Variants in VTI1A observed in about 807,000 individuals in gnomAD.
VTI1A encodes vesicle transport through interaction with t-SNAREs 1A, also known as vesicle transport through interaction with t-SNAREs homolog 1A.
In VTI1A, 22 loss-of-function variants were observed where a neutral mutation model predicts 34.9. The ratio of observed to expected loss-of-function variants is 0.63; its 90% CI spans 0.45 to 0.90. The LOEUF (loss-of-function observed/expected upper bound fraction) is 0.90. VTI1A is among the 40% of genes least tolerant of loss of function. The pLI is 0.00. For missense variants in VTI1A, 268 were observed against 275.6 expected (o/e 0.97, Z 0.20); for synonymous variants, 87 against 97.3 (o/e 0.89, Z 0.62).
In VTI1A at chr10:112,593,921, T is replaced by C. The variant is rs1482230829; in HGVS notation, c.427+55591T>C. The stretch of plus-strand genomic sequence containing the variant: ...CCGGCTAATTTTTTTTTTATTATTA[T>C]TATTTTGAGACGGAGTCTCGCTCTG... On this transcript the variant is annotated intron_variant, in intron 5 of 7. Transcript: ENST00000393077. Among the ~76,000 whole-genome samples, 11 of 149,542 alleles carry C rather than the reference T, an allele frequency of 7.4e-5. No individual in the cohort carries two copies. The South Asian group carries it at 2.1e-3, about 29-fold the overall frequency.
intron 3 of VTI1A, among the ~76,000 whole-genome samples, chr10:112,478,171 T>A (rs1848341424): frequency 6.6e-6 from 1 of 152,188 alleles, no homozygotes; most frequent in South Asian, 2.1e-4. Flanking sequence ...CCTATACTTT[T>A]CTAATATTGT....
chr10:112,451,545 G>A (rs765717469), intron 1 of VTI1A, among the ~76,000 whole-genome samples: 1 of 152,222 alleles, frequency 6.6e-6, no homozygotes, highest in Non-Finnish European at 1.5e-5. Flanking sequence ...TTTTGGATAT[G>A]AATTTGGAAC....
chr10:112,829,227 G>A, the VTI1A span, among the ~76,000 whole-genome samples: 3 of 149,364 alleles, frequency 2.0e-5, no homozygotes, highest in Middle Eastern at 3.6e-3. Context: ...GGCAGACCAC[G>A]AGGTCAGGAG....
intron 5 of VTI1A, among the ~76,000 whole-genome samples, chr10:112,580,963 G>T (rs967348087): frequency 6.6e-6 from 1 of 152,132 alleles, no homozygotes; most frequent in Admixed American, 6.6e-5. Context: ...AATAGATTTG[G>T]ATCTGAACCC....
chr10:112,762,191 A>G (rs1851491697), intron 7 of VTI1A, among the ~76,000 whole-genome samples: 1 of 152,212 alleles, frequency 6.6e-6, no homozygotes, highest in Non-Finnish European at 1.5e-5. Context: ...ACATGGCTTC[A>G]AGGGCTACAG....
At chr10:112,807,285 C>T (rs184596868) in intron 7 of VTI1A, among the ~76,000 whole-genome samples, 66 of 152,274 alleles carry the variant, frequency 4.3e-4, no homozygotes, top group Middle Eastern at 3.4e-3. Context: ...CTAGGGCTGC[C>T]GTAACAACAT....
In VTI1A at chr10:112,815,327, A is replaced by C; in HGVS notation, c.598A>C (p.Ile200Leu). 1 of 1,613,794 alleles carries C rather than the reference A, an allele frequency of 6.2e-7. No homozygotes were observed. Among genetic ancestry groups the C allele is most frequent in the Non-Finnish European group, 8.5e-7 (1 of 1,179,966 alleles). Residue 200 changes from isoleucine to leucine, a missense_variant, in exon 8 of 8, where the codon ATC becomes CTC. Coordinates refer to ENST00000393077, the MANE Select transcript of VTI1A (RefSeq NM_145206.4). Reference protein sequence around the residue: ...QNRILLVILGIIVVITILMAI... With the variant: ...QNRILLVILGLIVVITILMAI... ...CCGCATCCTGCTCGTCATCCTAGGG[A>C]TCATCGTGGTCATCACCATCCTGAT...
At chr10:112,483,154 ATCCAGATGCTT>A (rs1320502777) in intron 3 of VTI1A, among the ~76,000 whole-genome samples, 1 of 152,208 alleles carries the variant, frequency 6.6e-6, no homozygotes, top group Non-Finnish European at 1.5e-5. Flanking sequence ...CTCCTGCTAT[ATCCAGATGCTT>A]TTAATGTCTT....
chr10:112,665,393 T>G (rs552144388), intron 5 of VTI1A, among the ~76,000 whole-genome samples: 29 of 152,136 alleles, frequency 1.9e-4, no homozygotes, highest in Non-Finnish European at 3.2e-4. Flanking sequence ...GGCCTGAAAT[T>G]TTCTATATTA....
chr10:112,769,867 G>A (rs888125166), intron 7 of VTI1A, among the ~76,000 whole-genome samples: 5 of 152,066 alleles, frequency 3.3e-5, no homozygotes, highest in East Asian at 1.9e-4. Flanking sequence ...GGTGGGTACC[G>A]CAGTGAGTGA....
chr10:112,803,398 G>C (rs1852946115), intron 7 of VTI1A, among the ~76,000 whole-genome samples: 1 of 152,200 alleles, frequency 6.6e-6, no homozygotes, highest in Non-Finnish European at 1.5e-5. Flanking sequence ...AAGTGAGTTT[G>C]GGTTGGGCTC....
intron 7 of VTI1A, among the ~76,000 whole-genome samples, chr10:112,799,524 GC>G (rs1398091926): frequency 6.6e-6 from 1 of 152,140 alleles, no homozygotes; most frequent in African/African-American, 2.4e-5. Context: ...CCCAGTCCCT[GC>G]CCCTGATGCC....
chr10:112,709,111 G>A (rs949345744), intron 7 of VTI1A, among the ~76,000 whole-genome samples: 5 of 152,090 alleles, frequency 3.3e-5, no homozygotes, highest in Non-Finnish European at 5.9e-5. Flanking sequence ...GCCTTCCTCT[G>A]GCATATATTC....
chr10:112,525,599 C>T (rs556053768), intron 3 of VTI1A, among the ~76,000 whole-genome samples: 19 of 152,216 alleles, frequency 1.2e-4, no homozygotes, highest in African/African-American at 4.6e-4. Context: ...TCTATTCAGC[C>T]TTTTCAACTG....
rs150077392 is a variant in VTI1A, at chr10:112,703,108, T to G, written c.560+34110T>G. ...AGCTGTTAAAGGCAAAATTATACTT[T>G]TTATACTTTTCACCAATAATGTCTA... On this transcript the variant is annotated intron_variant, in intron 7 of 7. Transcript: ENST00000393077. 4.8e-3 allele frequency among the ~76,000 whole-genome samples: 734 copies of G among 152,308 alleles called. 5 individuals are homozygous for G. The highest frequency in any genetic ancestry group is 0.017 in the African/African-American group (718 of 41,550).
the VTI1A span, among the ~76,000 whole-genome samples, chr10:112,854,813 G>A: frequency 3.3e-5 from 5 of 152,298 alleles, no homozygotes; most frequent in South Asian, 6.2e-4. Context: ...CTGCTGGGCC[G>A]CCTGCTGCAG....
chr10:112,573,396 G>T (rs1329817426), intron 5 of VTI1A, among the ~76,000 whole-genome samples: 1 of 151,768 alleles, frequency 6.6e-6, no homozygotes, highest in Non-Finnish European at 1.5e-5. Context: ...GATAATAGAG[G>T]GTATGTTTAT....
At chr10:112,535,051 T>C (rs1850572336) in intron 4 of VTI1A, among the ~76,000 whole-genome samples, 2 of 152,182 alleles carry the variant, frequency 1.3e-5, no homozygotes, top group Admixed American at 6.5e-5. Flanking sequence ...TTAGAAGTCT[T>C]AATTCCAAAA....
intron 7 of VTI1A, among the ~76,000 whole-genome samples, chr10:112,682,135 T>C (rs1176587911): frequency 6.6e-6 from 1 of 152,190 alleles, no homozygotes. Flanking sequence ...GAACATTTTA[T>C]TTATTCACTG....
Sources: gnomAD v4.1 joint callset for allele counts (sites outside exome capture counted in the v4.1 genomes callset) on GRCh38, gnomAD v4.1.1 for gene constraint, MANE v1.5 for transcripts, NCBI Gene and HGNC (gene_info 2026-07-23, HGNC 2026-07-21) for gene names.